Variants in PCDHA9 observed in about 807,000 individuals in gnomAD.
PCDHA9 encodes the protein protocadherin alpha-9.
Under a neutral mutation model 62.0 loss-of-function variants are expected in PCDHA9, and 62 were observed. The ratio of observed to expected loss-of-function variants is 1.00; its 90% CI spans 0.81 to 1.23. The LOEUF (loss-of-function observed/expected upper bound fraction) is 1.23, where lower values mean the gene tolerates loss of function less well. Ranked by LOEUF, PCDHA9 falls within the 50% of genes most tolerant of loss-of-function variation. PCDHA9 has a pLI of 0.00. For synonymous variants in PCDHA9, 557 were observed against 567.6 expected (o/e 0.98, Z 0.27); for missense variants, 1,205 against 1,249.8 (o/e 0.96, Z 0.54).
chr5:140,877,027 G>T lies in PCDHA9; in HGVS notation c.2394+26138G>T, dbSNP rs376609696. 1.3e-4 allele frequency: 211 copies of T among 1,612,282 alleles called. No individual in the cohort carries two copies. Among genetic ancestry groups the T allele is most frequent in the Admixed American group, 2.7e-4 (16 of 60,002 alleles). On this transcript the variant is annotated intron_variant, in intron 1 of 3. Coordinates refer to ENST00000532602, the MANE Select transcript of PCDHA9 (RefSeq NM_031857.2). ...GCACGCGGAGAGCGGCAAGGTGTAC[G>T]CGCTGCAGCCGCTAGACCACGAGGA...
At chr5:140,949,290 G>C (rs552572317) in intron 1 of PCDHA9, among the ~76,000 whole-genome samples, 5 of 151,900 alleles carry the variant, frequency 3.3e-5, no homozygotes, top group South Asian at 2.1e-4. Flanking sequence ...TGTATATTCT[G>C]TAATTGTTGG....
chr5:140,933,694 C>A lies in PCDHA9; in HGVS notation c.2395-45255C>A, dbSNP rs782754431. On this transcript the variant is annotated intron_variant, in intron 1 of 3. Coordinates refer to ENST00000532602, the MANE Select transcript of PCDHA9 (RefSeq NM_031857.2). ...CTCTCACATTTTTTTTCCTATTCCT[C>A]GGACACATTTACTGAGATTGGTGAT... 5.3e-5 allele frequency among the ~76,000 whole-genome samples: 8 copies of A among 151,858 alleles called. No homozygotes were observed. In the South Asian group the frequency reaches 1.7e-3, roughly 31 times the overall value.
intron 1 of PCDHA9, chr5:140,860,153 GTATATATATATGTA>G (rs1410832204): frequency 1.4e-5 from 2 of 147,972 alleles, no homozygotes; most frequent in Admixed American, 1.4e-4. Flanking sequence ...GTATATATGT[GTATATATATATGTA>G]TATATATATG....
intron 1 of PCDHA9, chr5:140,883,247 A>C: frequency 6.2e-7 from 1 of 1,614,084 alleles, no homozygotes; most frequent in Non-Finnish European, 8.5e-7. Context: ...TGACAAAGGA[A>C]ATATTCCAAT....
chr5:140,987,589 G>A (rs1554249335), intron 3 of PCDHA9, among the ~76,000 whole-genome samples: 1 of 152,180 alleles, frequency 6.6e-6, no homozygotes, highest in Non-Finnish European at 1.5e-5. Context: ...GGGGAGAATA[G>A]TGGTGTCTAC....
Position 140,969,193 on chromosome 5 carries a change from C to T in PCDHA9, c.2395-9756C>T, listed in dbSNP as rs1232655466. The T allele has an allele frequency of 8.1e-6, 13 of 1,614,002 alleles. No homozygotes were observed. In the African/African-American group the frequency reaches 1.2e-4, roughly 15 times the overall value. ...CAGGGAGTGACACTTTCATGTTTTA[C>T]AATACAGGGGCCCAGACAGGACCAG... is the stretch of plus-strand genomic sequence containing the variant. On this transcript the variant is annotated intron_variant, in intron 1 of 3. Transcript: ENST00000532602.
At chr5:140,988,571 C>T (rs1438476188) in intron 3 of PCDHA9, among the ~76,000 whole-genome samples, 7 of 152,168 alleles carry the variant, frequency 4.6e-5, no homozygotes, top group Non-Finnish European at 1.0e-4. Flanking sequence ...TGGGAAAACA[C>T]TCTGTACCTT....
chr5:140,870,956 G>T (rs1554164932), intron 1 of PCDHA9: 2 of 1,613,520 alleles, frequency 1.2e-6, no homozygotes, highest in East Asian at 2.2e-5. Flanking sequence ...GGCGGCTCGC[G>T]CATCCCGTTC....
chr5:140,967,104 A>T (rs374744732), intron 1 of PCDHA9: 3 of 1,613,028 alleles, frequency 1.9e-6, no homozygotes, highest in Non-Finnish European at 2.5e-6. Context: ...CTGTGTGAGC[A>T]GCGGCCTCGC....
Position 140,924,861 on chromosome 5 carries a change from C to T in PCDHA9, c.2395-54088C>T, listed in dbSNP as rs150955497. ...AGGGAGCTCAGATCGTGCCACTGCA[C>T]TCCAGCCTGGGTGACAGAGCAAGAA... On this transcript the variant is annotated intron_variant, in intron 1 of 3. Transcript: ENST00000532602. Among the ~76,000 whole-genome samples, 427 of 150,140 alleles carry T rather than the reference C, an allele frequency of 2.8e-3. 1 individual carries two copies. The highest frequency in any genetic ancestry group is 0.01 in the African/African-American group (408 of 40,512).
chr5:140,997,087 T>C (rs1218654416), intron 3 of PCDHA9, among the ~76,000 whole-genome samples: 4 of 152,156 alleles, frequency 2.6e-5, no homozygotes, highest in Non-Finnish European at 5.9e-5. Flanking sequence ...GAGTAGAAAG[T>C]GCAGAGTTCT....
chr5:140,884,113 G>A, intron 1 of PCDHA9: 2 of 1,613,388 alleles, frequency 1.2e-6, no homozygotes, highest in Non-Finnish European at 1.7e-6. Context: ...AGCTGGCGGC[G>A]GTCGGCGCGC....
Position 140,850,168 on chromosome 5 carries a change from A to G in PCDHA9, c.1673A>G (p.Glu558Gly). 6.3e-7 allele frequency: 1 copy of G among 1,594,824 alleles called. No homozygotes were observed. The highest frequency in any genetic ancestry group is 8.6e-7 in the Non-Finnish European group (1 of 1,167,786). ...ACGCTGCAGGTGTTCGTGCTGGACGAGAACGACAATGCGCCGGCGCTGCTG... is the reference window on the plus strand; with the variant it reads ...ACGCTGCAGGTGTTCGTGCTGGACGGGAACGACAATGCGCCGGCGCTGCTG... Reference protein sequence around the residue: ...NVTLQVFVLDENDNAPALLTP... With the variant: ...NVTLQVFVLDGNDNAPALLTP... Residue 558 changes from glutamate to glycine, a missense_variant, in exon 1 of 4, where the codon GAG (glutamate) becomes GGG (glycine). Physicochemically the swap from Glu to Gly is moderately conservative, Grantham distance 98. Coordinates refer to ENST00000532602, the MANE Select transcript of PCDHA9 (RefSeq NM_031857.2).
At chr5:140,994,178 A>G (rs2097601690) in intron 3 of PCDHA9, among the ~76,000 whole-genome samples, 1 of 152,226 alleles carries the variant, frequency 6.6e-6, no homozygotes, top group Admixed American at 6.5e-5. Context: ...AAGCTGGGAC[A>G]AACCACCAGG....
rs994477615 is a variant in PCDHA9 at position 140,861,542 on chromosome 5, C to T, written c.2394+10653C>T. On this transcript the variant is annotated intron_variant, in intron 1 of 3. Coordinates refer to ENST00000532602, the MANE Select transcript of PCDHA9 (RefSeq NM_031857.2). ...GGAGGATCTCGGAGTGCAGCATCCA[C>T]CTGGAAGTGATCGTGGACAAGCTGC... is the stretch of plus-strand genomic sequence containing the variant. The T allele has an allele frequency of 4.0e-5, 17 of 424,962 alleles. No homozygotes were observed. In the East Asian group the frequency reaches 1.2e-3, roughly 30 times the overall value. The allele number at this position is 424,962 out of a possible 1,614,324, so 26.3% of individuals were successfully genotyped here.
Position 141,009,767 on chromosome 5 carries a change from G to T in PCDHA9, c.2683G>T (p.Ala895Ser). ...PDKFIIPGSP[A>S]IISIRQEPTN... is the part of the protein sequence containing the mutation. Reference sequence around the variant, plus strand: ...CAAATTCATTATCCCAGGATCTCCTGCAATCATCTCCATCCGGCAGGAGCC... The same window carrying T: ...CAAATTCATTATCCCAGGATCTCCTTCAATCATCTCCATCCGGCAGGAGCC... The change falls in exon 4 of 4, where the codon GCA becomes TCA. Residue 895 changes from alanine to serine, a missense_variant. This residue lies in a region of PCDHA9 where 887 missense variants were observed against 809.5 expected (regional missense o/e 1.10). Coordinates refer to ENST00000532602, the MANE Select transcript of PCDHA9 (RefSeq NM_031857.2). 1 of 1,614,108 alleles carries T rather than the reference G, an allele frequency of 6.2e-7. No individual in the cohort carries two copies. Among genetic ancestry groups the T allele is most frequent in the South Asian group, 1.1e-5 (1 of 91,072 alleles).
intron 1 of PCDHA9, chr5:140,968,562 C>G: frequency 6.2e-7 from 1 of 1,614,208 alleles, no homozygotes; most frequent in South Asian, 1.1e-5. Flanking sequence ...CGAACTGCCC[C>G]TGCTGGCTAC....
chr5:140,932,790 A>G (rs917083739), intron 1 of PCDHA9, among the ~76,000 whole-genome samples: 21 of 152,066 alleles, frequency 1.4e-4, no homozygotes, highest in African/African-American at 5.1e-4. Flanking sequence ...GACATAAGAG[A>G]AAAGCAATAC....
intron 1 of PCDHA9, chr5:140,966,850 C>A: frequency 6.4e-7 from 1 of 1,572,900 alleles, no homozygotes; most frequent in Non-Finnish European, 8.6e-7. Flanking sequence ...TACTGCCTCT[C>A]CTGCTGCTGT....
Sources: allele counts gnomAD v4.1 joint callset (sites outside exome capture counted in the v4.1 genomes callset), GRCh38; gene constraint gnomAD v4.1.1; regional missense constraint gnomAD v4.1.1; transcripts MANE v1.5; gene names NCBI Gene and HGNC (gene_info 2026-07-23, HGNC 2026-07-21).